The following PRR29 variants were observed in gnomAD, a reference collection of about 807,000 sequenced individuals.
PRR29 encodes proline rich 29.
Under a neutral mutation model 25.1 loss-of-function variants are expected in PRR29, and 20 were observed. That is an observed-to-expected ratio of 0.80 (90% CI 0.56 to 1.16). The LOEUF is 1.16. Ranked by LOEUF, PRR29 falls within the 50% of genes most tolerant of loss-of-function variation. PRR29 has a pLI of 0.00. For synonymous variants in PRR29, 108 were observed against 102.6 expected (o/e 1.05, Z -0.32); for missense variants, 238 against 246.6 (o/e 0.97, Z 0.23).
chr17:64,000,074 A>G (rs1910532325), intron 3 of PRR29, among the ~76,000 whole-genome samples: 1 of 152,168 alleles, frequency 6.6e-6, no homozygotes, highest in East Asian at 1.9e-4. Flanking sequence ...TCCAGACAGA[A>G]GGAGACCCTG....
rs1293064410 is a variant in PRR29, at chr17:63,998,956, C to T, written c.137-12C>T. On this transcript the variant is annotated splice_polypyrimidine_tract_variant and intron_variant, in intron 2 of 5. Transcript: ENST00000412177. Reference sequence around the variant, plus strand: ...GAGGCCCGGCGTGGGCTTGCTGAACCCCGCTTCCTAGACCTGCTGGAACTG... The same window carrying T: ...GAGGCCCGGCGTGGGCTTGCTGAACTCCGCTTCCTAGACCTGCTGGAACTG... 31 of 1,535,966 alleles carry T rather than the reference C, an allele frequency of 2.0e-5. No homozygotes were observed. Among genetic ancestry groups the T allele is most frequent in the Non-Finnish European group, 2.7e-5 (31 of 1,146,622 alleles).
rs3764868 is a variant in PRR29 at position 64,003,354 on chromosome 17, G to A, written c.*1593G>A. On this transcript the variant is annotated 3_prime_UTR_variant, in exon 6 of 6. Coordinates refer to ENST00000412177, the MANE Select transcript of PRR29 (RefSeq NM_001164257.2). ...CTGGGGACCTCAGTGGGGGCAGTCA[G>A]GCCAAACTTCTCATTGTGGAGGGGA... 151,789 of 484,768 alleles carry A rather than the reference G, an allele frequency of 0.31. 26,137 individuals are homozygous for A. The highest frequency in any genetic ancestry group is 0.38 in the Admixed American group (10,496 of 27,778). The allele number at this position is 484,768 out of a possible 1,614,324, so 30.0% of individuals were successfully genotyped here.
At position 64,003,736 on chromosome 17, in the gene PRR29, C is replaced by T. The variant is rs758140513; in HGVS notation, c.*1975C>T. ...CAGCACAGCCAGGCAGGAGAAGTTG[C>T]GGTGGCCATCCTCTCTGTCAGCCGT... On this transcript the variant is annotated 3_prime_UTR_variant, in exon 6 of 6. Coordinates refer to ENST00000412177, the MANE Select transcript of PRR29 (RefSeq NM_001164257.2). The T allele has an allele frequency of 1.5e-5, 25 of 1,613,998 alleles. No individual in the cohort carries two copies. The South Asian group carries it at 1.9e-4, about 12-fold the overall frequency.
At position 64,001,420 on chromosome 17, in the gene PRR29, C is replaced by A. The variant is rs919420629; in HGVS notation, c.471-47C>A. The A allele has an allele frequency of 4.7e-6, 7 of 1,492,396 alleles. No individual in the cohort carries two copies. The Admixed American group carries it at 6.1e-5, about 13-fold the overall frequency. 92.4% of individuals were successfully genotyped at this position (1,492,396 alleles called of 1,614,324 possible). A position where few individuals can be genotyped will look rare whatever the true frequency, so the allele number is the denominator to read the frequency against. ...TAACTTGTGGGTGAAACTCCAGAGG[C>A]CACCCCTGGGCCTCTGATGGGGGTC... On this transcript the variant is annotated intron_variant, in intron 4 of 5. Coordinates refer to ENST00000412177, the MANE Select transcript of PRR29 (RefSeq NM_001164257.2).
chr17:64,001,371 G>T, intron 4 of PRR29, 61 bp downstream of exon 4: 1 of 1,503,466 alleles, frequency 6.7e-7, no homozygotes, highest in Non-Finnish European at 8.9e-7. Context: ...GAAGAGCTGT[G>T]CAGGGGCTGG....
rs1390749044 is a variant in PRR29, at chr17:64,004,152, C to T, written c.*2391C>T. ...GAGGCTGGACTGTGTGGTAGTTTTA[C>T]AGACATGATGGTTTCCGGTGACCAG... On this transcript the variant is annotated 3_prime_UTR_variant, in exon 6 of 6. Transcript: ENST00000412177. 4 of 575,650 alleles carry T rather than the reference C, an allele frequency of 6.9e-6. No individual in the cohort carries two copies. Among genetic ancestry groups the T allele is most frequent in the African/African-American group, 5.6e-5 (3 of 53,622 alleles). The allele number at this position is 575,650 out of a possible 1,614,324, so 35.7% of individuals were successfully genotyped here. A position where few individuals can be genotyped will look rare whatever the true frequency, so the allele number is the denominator to read the frequency against.
At chr17:63,999,597 G>A (rs150052551) in intron 3 of PRR29, 172 of 164,618 alleles carry the variant, frequency 1.0e-3, no homozygotes, top group Non-Finnish European at 1.7e-3. Flanking sequence ...AGCCAGGTAG[G>A]ATTTTGACCC....
chr17:64,001,101 A>G lies in PRR29; in HGVS notation c.261A>G (p.Pro87=), dbSNP rs1461158685. 1 of 1,537,272 alleles carries G rather than the reference A, an allele frequency of 6.5e-7. No individual in the cohort carries two copies. The highest frequency in any genetic ancestry group is 8.7e-7 in the Non-Finnish European group (1 of 1,146,932). The change falls in exon 4 of 6, where the codon CCA becomes CCG. Residue 87 remains proline (P), a synonymous_variant. Coordinates refer to ENST00000412177, the MANE Select transcript of PRR29 (RefSeq NM_001164257.2). The part of the protein sequence containing the change: ...SPCPQVYLEV[P]QEEPEEEEEE... ...ATCCCCAGGTCTACCTGGAGGTTCC[A>G]CAGGAAGAGCCTGAGGAGGAGGAGG...
At chr17:63,998,886 C>G in intron 2 of PRR29, 82 bp from the exon 3 acceptor site, 1 of 1,412,624 alleles carries the variant, frequency 7.1e-7, no homozygotes, top group Non-Finnish European at 9.7e-7. Flanking sequence ...CCCGCCAACC[C>G]ATTCTTCACC....
At chr17:63,998,899 C>T in intron 2 of PRR29, 69 bp from the exon 3 acceptor site, 5 of 1,453,166 alleles carry the variant, frequency 3.4e-6, no homozygotes, top group African/African-American at 1.4e-5. Context: ...TCTTCACCCC[C>T]GGGACAGGGG....
chr17:63,999,760 T>C (rs542695342), intron 3 of PRR29: 137 of 154,858 alleles, frequency 8.8e-4, no homozygotes, highest in Non-Finnish European at 1.5e-3. Flanking sequence ...CGTGTGTGTG[T>C]GCAAGGCTGT....
At position 64,001,242 on chromosome 17, in the gene PRR29, T is replaced by A; in HGVS notation, c.402T>A (p.Pro134=). Residue 134 remains proline (P), a synonymous_variant, in exon 4 of 6, where the codon CCT becomes CCA. Coordinates refer to ENST00000412177, the MANE Select transcript of PRR29 (RefSeq NM_001164257.2). ...GGCCAGCCCCCTTCTTCCCCACCCC[T>A]GCTTGTCAGCCCTACTTGCAGGACG... ...LPWPAPFFPT[P]ACQPYLQDVP... is the part of the protein sequence containing the mutation. The A allele has an allele frequency of 6.5e-7, 1 of 1,537,302 alleles. No homozygotes were observed. The highest frequency in any genetic ancestry group is 8.7e-7 in the Non-Finnish European group (1 of 1,146,896).
Position 64,003,408 on chromosome 17 carries a change from A to T in PRR29, c.*1647A>T. 2 of 560,774 alleles carry T rather than the reference A, an allele frequency of 3.6e-6. No individual in the cohort carries two copies. Among genetic ancestry groups the T allele is most frequent in the Non-Finnish European group, 6.4e-6 (2 of 314,102 alleles). 34.7% of individuals were successfully genotyped at this position (560,774 alleles called of 1,614,324 possible). A position where few individuals can be genotyped will look rare whatever the true frequency, so the allele number is the denominator to read the frequency against. On this transcript the variant is annotated 3_prime_UTR_variant, in exon 6 of 6. Transcript: ENST00000412177. ...AAGGCCAGGGAGAGCCGTCAAGGTC[A>T]TGGGGCTTGATGGTGGCCGAGGAAC...
Position 64,003,501 on chromosome 17 carries a change from A to G in PRR29, c.*1740A>G, listed in dbSNP as rs1303545014. 5.3e-6 allele frequency: 4 copies of G among 756,806 alleles called. No individual in the cohort carries two copies. The highest frequency in any genetic ancestry group is 2.6e-5 in the East Asian group (1 of 38,808). 46.9% of individuals were successfully genotyped at this position (756,806 alleles called of 1,614,324 possible). A position where few individuals can be genotyped will look rare whatever the true frequency, so the allele number is the denominator to read the frequency against. On this transcript the variant is annotated 3_prime_UTR_variant, in exon 6 of 6. Transcript: ENST00000412177. ...TGGGGACTTGGAAAGAACTTCAGGG[A>G]AGAGGGAGAGTAAGAGGGAAGCCTC...
chr17:64,001,802 C>T lies in PRR29; in HGVS notation c.*41C>T, dbSNP rs776239014. ...CTGGGAACTGCACCAGCTTCCTGCT[C>T]TGGATACAGCCCCGGAGCCGCCTCC... On this transcript the variant is annotated 3_prime_UTR_variant, in exon 6 of 6. Coordinates refer to ENST00000412177, the MANE Select transcript of PRR29 (RefSeq NM_001164257.2). 5.3e-5 allele frequency: 82 copies of T among 1,537,022 alleles called. No homozygotes were observed. The highest frequency in any genetic ancestry group is 5.0e-4 in the Middle Eastern group (3 of 6,010).
chr17:64,002,156 G>A lies in PRR29; in HGVS notation c.*395G>A, dbSNP rs1026134067. 7.8e-6 allele frequency: 6 copies of A among 773,788 alleles called. No individual in the cohort carries two copies. The highest frequency in any genetic ancestry group is 3.7e-5 in the South Asian group (2 of 53,924). The allele number at this position is 773,788 out of a possible 1,614,324, so 47.9% of individuals were successfully genotyped here. On this transcript the variant is annotated 3_prime_UTR_variant, in exon 6 of 6. Transcript: ENST00000412177. ...GTAATGGAGCAAGAGGGGAGGGGGG[G>A]ATTCCTTCTGCTTTCCACAGCTTTG...
In PRR29 at chr17:64,003,409, T is replaced by C; in HGVS notation, c.*1648T>C. The C allele has an allele frequency of 3.6e-6, 2 of 560,288 alleles. No homozygotes were observed. The highest frequency in any genetic ancestry group is 6.4e-6 in the Non-Finnish European group (2 of 313,740). 34.7% of individuals were successfully genotyped at this position (560,288 alleles called of 1,614,324 possible). A position where few individuals can be genotyped will look rare whatever the true frequency, so the allele number is the denominator to read the frequency against. On this transcript the variant is annotated 3_prime_UTR_variant, in exon 6 of 6. Coordinates refer to ENST00000412177, the MANE Select transcript of PRR29 (RefSeq NM_001164257.2). ...AGGCCAGGGAGAGCCGTCAAGGTCATGGGGCTTGATGGTGGCCGAGGAACT... is the reference window on the plus strand; with the variant it reads ...AGGCCAGGGAGAGCCGTCAAGGTCACGGGGCTTGATGGTGGCCGAGGAACT...
At position 64,003,612 on chromosome 17, in the gene PRR29, A is replaced by C; in HGVS notation, c.*1851A>C. On this transcript the variant is annotated 3_prime_UTR_variant, in exon 6 of 6. Coordinates refer to ENST00000412177, the MANE Select transcript of PRR29 (RefSeq NM_001164257.2). ...CCCGAGGGGCTGAAAGTGACTTATC[A>C]CTCCCAACTCCATCCACGGATCCCC... The C allele has an allele frequency of 1.3e-6, 2 of 1,581,792 alleles. No individual in the cohort carries two copies. The highest frequency in any genetic ancestry group is 1.7e-6 in the Non-Finnish European group (2 of 1,159,870).
chr17:64,000,356 GTCTC>G (rs1910560362), intron 3 of PRR29, among the ~76,000 whole-genome samples: 1 of 151,956 alleles, frequency 6.6e-6, no homozygotes, highest in South Asian at 2.1e-4. Flanking sequence ...TTGAGACGGA[GTCTC>G]TCTCTGTCAC....
Sources: gnomAD v4.1 joint callset for allele counts (sites outside exome capture counted in the v4.1 genomes callset) on GRCh38, gnomAD v4.1.1 for gene constraint, MANE v1.5 for transcripts, NCBI Gene and HGNC (gene_info 2026-07-23, HGNC 2026-07-21) for gene names.